ITGA5: variants seen among roughly 807,000 people sequenced by gnomAD.
The protein encoded by ITGA5 is integrin subunit alpha 5.
A neutral mutation model predicts 146.3 loss-of-function variants in ITGA5; 55 were observed. The ratio of observed to expected loss-of-function variants is 0.38; its 90% CI spans 0.30 to 0.47. ITGA5 has a LOEUF of 0.47. Among genes scored for constraint, ITGA5 ranks in the 20% least tolerant of loss-of-function variants. The pLI is 0.99. For missense variants in ITGA5, 1,131 were observed against 1,329.0 expected (o/e 0.85, Z 2.32); for synonymous variants, 500 against 531.8 (o/e 0.94, Z 0.82).
intron 1 of ITGA5, chr12:54,412,513 G>C (rs1459871350): frequency 6.6e-6 from 1 of 152,640 alleles, no homozygotes. Flanking sequence ...AGTGGAGAGA[G>C]GAGCTGGAGG....
At chr12:54,396,667 T>C (rs1427093283) in intron 29 of ITGA5, among the ~76,000 whole-genome samples, 1 of 152,142 alleles carries the variant, frequency 6.6e-6, no homozygotes, top group Non-Finnish European at 1.5e-5. Context: ...TCTGATTGCT[T>C]AGTAGTGGCT....
Position 54,396,137 on chromosome 12 carries a change from C to G in ITGA5, c.*156G>C, listed in dbSNP as rs1592281890. ...GGGAGGGATCCCCAGCTCCTCACCC[C>G]CCTGGCTCTGGCCCTTCAAGTATGT... On this transcript the variant is annotated 3_prime_UTR_variant, in exon 30 of 30. Coordinates refer to ENST00000293379, the MANE Select transcript of ITGA5 (RefSeq NM_002205.5). 8.1e-6 allele frequency: 5 copies of G among 616,266 alleles called. No homozygotes were observed. Among genetic ancestry groups the G allele is most frequent in the South Asian group, 7.8e-5 (4 of 51,422 alleles). 38.2% of individuals were successfully genotyped at this position (616,266 alleles called of 1,614,324 possible). A position where few individuals can be genotyped will look rare whatever the true frequency, so the allele number is the denominator to read the frequency against.
chr12:54,397,157 T>G (rs1383077932), intron 29 of ITGA5: 1 of 450,132 alleles, frequency 2.2e-6, no homozygotes, highest in Non-Finnish European at 4.0e-6. Flanking sequence ...CTTATCATCT[T>G]GAGTCAAGAG....
chr12:54,405,404 G>C (rs1012917434), intron 11 of ITGA5, 30 bp from the exon 12 acceptor site: 1 of 1,539,122 alleles, frequency 6.5e-7, no homozygotes. Context: ...CAGGCATCTC[G>C]ATACCCTGTC....
At chr12:54,405,831 C>T in intron 10 of ITGA5, 39 bp downstream of exon 10, 1 of 1,608,062 alleles carries the variant, frequency 6.2e-7, no homozygotes, top group Non-Finnish European at 8.5e-7. Context: ...GCTTCGTTGA[C>T]AGAGGCCAAG....
chr12:54,408,897 G>A lies in ITGA5; in HGVS notation c.641C>T (p.Thr214Ile). 6 of 1,613,986 alleles carry A rather than the reference G, an allele frequency of 3.7e-6. No homozygotes were observed. Among genetic ancestry groups the A allele is most frequent in the Non-Finnish European group, 5.1e-6 (6 of 1,179,970 alleles). ...TCTCCCAGACCACTCTCTCACCTTG[G>A]TGAACTCGGCACTGAAGCCTCCTTG... ...YCQGGFSAEF[T>I]KTGRVVLGGP... Residue 214 changes from threonine to isoleucine, a missense_variant, in exon 5 of 30, where the codon ACC (threonine) becomes ATC (isoleucine). This residue lies in a region of ITGA5 where 67 missense variants were observed against 128.2 expected (regional missense o/e 0.52). Coordinates refer to ENST00000293379, the MANE Select transcript of ITGA5 (RefSeq NM_002205.5).
Position 54,403,088 on chromosome 12 carries a change from C to T in ITGA5, c.1915-38G>A. On this transcript the variant is annotated intron_variant, in intron 18 of 29. Coordinates refer to ENST00000293379, the MANE Select transcript of ITGA5 (RefSeq NM_002205.5). This position sits in a 1 kb window ranked among gnomAD's most constrained non-coding sequence, Gnocchi z 4.9. ...GCAGCCTTGAGAGGGGAAGTTTAGA[C>T]CCATTCCTGGGCTGTAGGCTCTTCT... 1 of 1,613,056 alleles carries T rather than the reference C, an allele frequency of 6.2e-7. No individual in the cohort carries two copies. Among genetic ancestry groups the T allele is most frequent in the Non-Finnish European group, 8.5e-7 (1 of 1,179,166 alleles).
rs2120504381 is a variant in ITGA5 at position 54,403,530 on chromosome 12, C to A, written c.1776+95G>T. The A allele has an allele frequency of 7.0e-7, 1 of 1,433,104 alleles. No individual in the cohort carries two copies. The highest frequency in any genetic ancestry group is 1.3e-5 in the South Asian group (1 of 74,760). 88.8% of individuals were successfully genotyped at this position (1,433,104 alleles called of 1,614,324 possible). A position where few individuals can be genotyped will look rare whatever the true frequency, so the allele number is the denominator to read the frequency against. On this transcript the variant is annotated intron_variant, in intron 17 of 29. Coordinates refer to ENST00000293379, the MANE Select transcript of ITGA5 (RefSeq NM_002205.5). This position sits in a 1 kb window ranked among gnomAD's most constrained non-coding sequence, Gnocchi z 4.9. ...CCCTACAAGAGTCCCAAGCCCTTCA[C>A]TGGAGTCCCCCAGTCTTTTTCCCTT...
intron 27 of ITGA5, 195 bp from the exon 28 acceptor site, chr12:54,398,893 G>GCAGT: frequency 2.1e-6 from 1 of 478,680 alleles, no homozygotes; most frequent in East Asian, 4.0e-5. Context: ...AGGCTGGAGT[G>GCAGT]CAGTGGTGTG....
rs748499013 is a variant in ITGA5 at position 54,408,810 on chromosome 12, G to T, written c.646-9C>A. On this transcript the variant is annotated splice_polypyrimidine_tract_variant and intron_variant, in intron 5 of 29. Coordinates refer to ENST00000293379, the MANE Select transcript of ITGA5 (RefSeq NM_002205.5). Reference sequence around the variant, plus strand: ...AAAACCACACGGCCAGTCTGTGGGTGAAAGGAGGGGAGTCCAACATCTGGT... The same window carrying T: ...AAAACCACACGGCCAGTCTGTGGGTTAAAGGAGGGGAGTCCAACATCTGGT... The T allele has an allele frequency of 1.9e-6, 3 of 1,613,738 alleles. No homozygotes were observed. The highest frequency in any genetic ancestry group is 2.5e-6 in the Non-Finnish European group (3 of 1,179,880).
rs541167312 is a variant in ITGA5 at position 54,400,746 on chromosome 12, C to G, written c.2643+100G>C. 12 of 1,208,622 alleles carry G rather than the reference C, an allele frequency of 9.9e-6. No homozygotes were observed. The South Asian group carries it at 1.7e-4, about 18-fold the overall frequency. 74.9% of individuals were successfully genotyped at this position (1,208,622 alleles called of 1,614,324 possible). Reference sequence around the variant, plus strand: ...CCCTCAACCCTAGCTATAGGCACATCCTCATTGCCTCTTGCAGGCCCCCAG... The same window carrying G: ...CCCTCAACCCTAGCTATAGGCACATGCTCATTGCCTCTTGCAGGCCCCCAG... On this transcript the variant is annotated intron_variant, in intron 25 of 29. Coordinates refer to ENST00000293379, the MANE Select transcript of ITGA5 (RefSeq NM_002205.5).
Position 54,401,126 on chromosome 12 carries a change from T to C in ITGA5, c.2494-131A>G. ...TCTCAGAGATGAAGCAGGGAAGCAA[T>C]GGGCAGAGGTGAAATCCTCTCTAGC... On this transcript the variant is annotated intron_variant, in intron 24 of 29. Transcript: ENST00000293379. This position sits in a 1 kb window ranked among gnomAD's most constrained non-coding sequence, Gnocchi z 5.0. 1.0e-6 allele frequency: 1 copy of C among 973,160 alleles called. No homozygotes were observed. The highest frequency in any genetic ancestry group is 1.5e-6 in the Non-Finnish European group (1 of 659,352). The allele number at this position is 973,160 out of a possible 1,614,324, so 60.3% of individuals were successfully genotyped here.
rs1195174576 is a variant in ITGA5 at position 54,403,595 on chromosome 12, C to T, written c.1776+30G>A. 9 of 1,600,770 alleles carry T rather than the reference C, an allele frequency of 5.6e-6. No individual in the cohort carries two copies. The highest frequency in any genetic ancestry group is 7.7e-6 in the Non-Finnish European group (9 of 1,172,574). On this transcript the variant is annotated intron_variant, in intron 17 of 29. Coordinates refer to ENST00000293379, the MANE Select transcript of ITGA5 (RefSeq NM_002205.5). This position sits in a 1 kb window ranked among gnomAD's most constrained non-coding sequence, Gnocchi z 4.9. Reference sequence around the variant, plus strand: ...AGTTCTGTGTGGCCACCCTCCCTGGCCAGTCCACACCCCGCCCTCTGGGCC... The same window carrying T: ...AGTTCTGTGTGGCCACCCTCCCTGGTCAGTCCACACCCCGCCCTCTGGGCC...
rs1435027121 is a variant in ITGA5, at chr12:54,401,523, T to G, written c.2388-45A>C. 9 of 1,580,684 alleles carry G rather than the reference T, an allele frequency of 5.7e-6. No homozygotes were observed. The highest frequency in any genetic ancestry group is 7.8e-6 in the Non-Finnish European group (9 of 1,155,962). On this transcript the variant is annotated intron_variant, in intron 23 of 29. Transcript: ENST00000293379. This position sits in a 1 kb window ranked among gnomAD's most constrained non-coding sequence, Gnocchi z 5.0. ...AGAGGAGGGTGGAAGGAACCCCATA[T>G]GCATCCTTCCCTAGAAGTCTGTGTC...
At position 54,402,060 on chromosome 12, in the gene ITGA5, C is replaced by T. The variant is rs748546935; in HGVS notation, c.2167G>A (p.Val723Met). 30 of 1,614,060 alleles carry T rather than the reference C, an allele frequency of 1.9e-5. No individual in the cohort carries two copies. The highest frequency in any genetic ancestry group is 9.9e-5 in the South Asian group (9 of 91,086). ...CACACCAGCAGGCGGCTCTGGTTCA[C>T]GGCAAAGTAGTCACAGCTCAGGCTG... Reference protein sequence around the residue: ...FSSLSCDYFAVNQSRLLVCDL... With the variant: ...FSSLSCDYFAMNQSRLLVCDL... The change falls in exon 21 of 30, where the codon GTG (valine) becomes ATG (methionine). Residue 723 changes from valine (V) to methionine (M), a missense_variant. By Grantham distance (21) the Val-to-Met change is conservative (BLOSUM62 1). Around this residue, in one of 3 missense-constraint regions of ITGA5, gnomAD observed 889 missense variants for 1,021.5 expected, o/e 0.87. Transcript: ENST00000293379.
At chr12:54,397,634 G>T (rs1409905157) in intron 28 of ITGA5, 147 bp from the exon 29 acceptor site, 1 of 929,686 alleles carries the variant, frequency 1.1e-6, no homozygotes, top group Non-Finnish European at 1.6e-6. Flanking sequence ...CCAGGCTGAG[G>T]TTCCAGATCT....
At chr12:54,410,366 G>A (rs909899501) in intron 2 of ITGA5, among the ~76,000 whole-genome samples, 3 of 121,244 alleles carry the variant, frequency 2.5e-5, no homozygotes, top group African/African-American at 9.6e-5. Context: ...TTTTTTTTGA[G>A]ATAGGGTCTC....
In ITGA5 at chr12:54,409,168, T is replaced by C. The variant is rs1955907822; in HGVS notation, c.583+64A>G. ...ATGGTAGGTGCGAGTCAACCCTAAG[T>C]ATGTGAGACACTTCAAGTATATGAG... On this transcript the variant is annotated intron_variant, in intron 4 of 29. Coordinates refer to ENST00000293379, the MANE Select transcript of ITGA5 (RefSeq NM_002205.5). This position sits in a 1 kb window ranked among gnomAD's most constrained non-coding sequence, Gnocchi z 4.7. 24 of 1,570,368 alleles carry C rather than the reference T, an allele frequency of 1.5e-5. No individual in the cohort carries two copies. The highest frequency in any genetic ancestry group is 2.0e-5 in the Non-Finnish European group (23 of 1,160,702).
intron 1 of ITGA5, among the ~76,000 whole-genome samples, chr12:54,418,395 C>T: frequency 6.6e-6 from 1 of 152,078 alleles, no homozygotes; most frequent in Non-Finnish European, 1.5e-5. Context: ...AGGGAGCCGC[C>T]GTCCTCTCTC....
Sources: allele counts gnomAD v4.1 joint callset (sites outside exome capture counted in the v4.1 genomes callset), GRCh38; gene constraint gnomAD v4.1.1; regional missense constraint gnomAD v4.1.1; non-coding constraint Gnocchi (gnomAD v3.1); transcripts MANE v1.5; gene names NCBI Gene and HGNC (gene_info 2026-07-23, HGNC 2026-07-21).